IQSEC3: variants seen among roughly 807,000 people sequenced by gnomAD.
IQSEC3 encodes the protein IQ motif and SEC7 domain-containing protein 3.
A neutral mutation model predicts 105.4 loss-of-function variants in IQSEC3; 50 were observed. That is an observed-to-expected ratio of 0.47 (90% CI 0.38 to 0.60). The LOEUF (loss-of-function observed/expected upper bound fraction) is 0.60, where lower values mean the gene tolerates loss of function less well. Among genes scored for constraint, IQSEC3 ranks in the 20% least tolerant of loss-of-function variants. The probability of loss-of-function intolerance (pLI) is 0.00; values close to 1 mark genes in which losing one functional copy is unlikely to be tolerated. For synonymous variants in IQSEC3, 708 were observed against 746.0 expected, an observed-to-expected ratio of 0.95 and a Z score of 0.83; for missense variants, 1,415 against 1,630.0, an observed-to-expected ratio of 0.87 and a Z score of 2.27.
At chr12:78,714 C>A (rs1863644505) in intron 1 of IQSEC3, among the ~76,000 whole-genome samples, 1 of 152,074 alleles carries the variant, frequency 6.6e-6, no homozygotes, top group Non-Finnish European at 1.5e-5. Flanking sequence ...GAGAGCCTCG[C>A]GTTTCCCGTT....
rs189049443 is a variant in IQSEC3, at chr12:146,295, G to A, written c.2153+5010G>A. Among the ~76,000 whole-genome samples, 321 of 152,292 alleles carry A rather than the reference G, an allele frequency of 2.1e-3. 3 individuals are homozygous for A. In the Middle Eastern group the frequency reaches 0.027, roughly 13 times the overall value. On this transcript the variant is annotated intron_variant, in intron 5 of 13. Transcript: ENST00000538872. The stretch of plus-strand genomic sequence containing the variant: ...GAAGGGGAGAGCAGGCTGGGGCCCA[G>A]GCAGACCTTATGTGTCCGGAGGAGA...
rs1555083124 is a variant in IQSEC3, at chr12:125,755, AG to A, written c.748del (p.Glu250ArgfsTer48). On this transcript the variant is annotated frameshift_variant, in exon 3 of 14. Transcript: ENST00000538872. LOFTEE classifies it high-confidence loss of function. Reference sequence around the variant, plus strand: ...GCTCAAGCCCAGGAGCTGCAGGAGGAGGAGGAGCGGCCGGGGGCAGGGGCTG... The same window carrying A: ...GCTCAAGCCCAGGAGCTGCAGGAGGAGAGGAGCGGCCGGGGGCAGGGGCTG... ...PKAQAQELQE[E>X]EERPGAGAAS... 1 of 1,516,916 alleles carries A rather than the reference AG, an allele frequency of 6.6e-7. No homozygotes were observed. Among genetic ancestry groups the A allele is most frequent in the East Asian group, 2.4e-5 (1 of 40,984 alleles). The allele number at this position is 1,516,916 out of a possible 1,614,324, so 94.0% of individuals were successfully genotyped here.
intron 1 of IQSEC3, among the ~76,000 whole-genome samples, chr12:88,233 C>G (rs1480737818): frequency 6.6e-6 from 1 of 152,238 alleles, no homozygotes; most frequent in African/African-American, 2.4e-5. Flanking sequence ...TCTGCCTTCT[C>G]CATTCTCCTC....
At chr12:145,272 C>CTTTCT (rs1428384082) in intron 5 of IQSEC3, among the ~76,000 whole-genome samples, 2 of 152,104 alleles carry the variant, frequency 1.3e-5, no homozygotes, top group East Asian at 3.8e-4. Flanking sequence ...AATGTTAGCT[C>CTTTCT]TTTCTTTTCT....
chr12:171,329 A>G, intron 13 of IQSEC3, 168 bp downstream of exon 13: 1 of 1,612,848 alleles, frequency 6.2e-7, no homozygotes, highest in Non-Finnish European at 8.5e-7. Context: ...TAGCATGGGT[A>G]ATGCCACTGT....
At chr12:142,248 A>G (rs1866061274) in intron 5 of IQSEC3, 1 of 152,114 alleles carries the variant, frequency 6.6e-6, no homozygotes. Flanking sequence ...GAGGGTTTGG[A>G]CGCTGGGGGA....
chr12:73,467 A>G (rs1332121400), intron 1 of IQSEC3, among the ~76,000 whole-genome samples: 4 of 152,246 alleles, frequency 2.6e-5, no homozygotes, highest in African/African-American at 9.7e-5. Context: ...TGAGGTCAGG[A>G]GTTTGAGACC....
chr12:125,628 C>G lies in IQSEC3; in HGVS notation c.624-5C>G, dbSNP rs782571749. Reference sequence around the variant, plus strand: ...CAACCGAGCACCGTTGCCTTCTGTTCACAGTGATGGCTCCTGCACCCAGGC... The same window carrying G: ...CAACCGAGCACCGTTGCCTTCTGTTGACAGTGATGGCTCCTGCACCCAGGC... On this transcript the variant is annotated splice_polypyrimidine_tract_variant and splice_region_variant and intron_variant, in intron 2 of 13. Transcript: ENST00000538872. The G allele has an allele frequency of 6.7e-7, 1 of 1,496,746 alleles. No homozygotes were observed. The highest frequency in any genetic ancestry group is 2.3e-5 in the Admixed American group (1 of 44,042). 92.7% of individuals were successfully genotyped at this position (1,496,746 alleles called of 1,614,324 possible). A position where few individuals can be genotyped will look rare whatever the true frequency, so the allele number is the denominator to read the frequency against.
chr12:104,715 T>C (rs1555077417), intron 2 of IQSEC3, among the ~76,000 whole-genome samples: 1 of 152,220 alleles, frequency 6.6e-6, no homozygotes, highest in Non-Finnish European at 1.5e-5. Context: ...AGGCAGGGGC[T>C]CTGCCGAGGC....
chr12:101,671 G>C (rs1199416644), intron 2 of IQSEC3, among the ~76,000 whole-genome samples: 1 of 152,136 alleles, frequency 6.6e-6, no homozygotes, highest in East Asian at 1.9e-4. Context: ...CTGTCTATCT[G>C]TCTGATTTGT....
chr12:79,934 A>T (rs961845827), intron 1 of IQSEC3, among the ~76,000 whole-genome samples: 2 of 152,152 alleles, frequency 1.3e-5, no homozygotes, highest in Non-Finnish European at 2.9e-5. Flanking sequence ...GCTGTTCTGC[A>T]CCTTGAGTTT....
chr12:80,236 G>A (rs1400792883), intron 1 of IQSEC3, among the ~76,000 whole-genome samples: 7 of 152,150 alleles, frequency 4.6e-5, no homozygotes, highest in Admixed American at 1.3e-4. Context: ...AATACGATTC[G>A]GCAAGTGCTT....
chr12:130,693 G>A (rs1865559063), intron 3 of IQSEC3, among the ~76,000 whole-genome samples: 1 of 152,216 alleles, frequency 6.6e-6, no homozygotes, highest in Admixed American at 6.5e-5. Flanking sequence ...CGCCCTGCGT[G>A]TCAAGCACTT....
chr12:75,006 C>T (rs1863463034), intron 1 of IQSEC3, among the ~76,000 whole-genome samples: 1 of 152,268 alleles, frequency 6.6e-6, no homozygotes, highest in Admixed American at 6.5e-5. Flanking sequence ...TCCCATAACC[C>T]CAGGGAGGTC....
At position 97,158 on chromosome 12, in the gene IQSEC3, G is replaced by A. The variant is rs142197020; in HGVS notation, c.555-1988G>A. 1.7e-3 allele frequency among the ~76,000 whole-genome samples: 262 copies of A among 152,286 alleles called. 1 individual carries two copies. The South Asian group carries it at 0.025, about 15-fold the overall frequency. On this transcript the variant is annotated intron_variant, in intron 1 of 13. Transcript: ENST00000538872. Reference sequence around the variant, plus strand: ...TATTTGTTGGCTCTTTAGGGTTCTCGTTCTGTCAACTGCTATTCCTATGCT... The same window carrying A: ...TATTTGTTGGCTCTTTAGGGTTCTCATTCTGTCAACTGCTATTCCTATGCT...
At chr12:100,478 C>G (rs987726889) in intron 2 of IQSEC3, among the ~76,000 whole-genome samples, 1 of 152,114 alleles carries the variant, frequency 6.6e-6, no homozygotes, top group Non-Finnish European at 1.5e-5. Context: ...AGACAGCCAC[C>G]CCGTGAAAGG....
At chr12:102,872 C>T (rs147193849) in intron 2 of IQSEC3, among the ~76,000 whole-genome samples, 2 of 152,188 alleles carry the variant, frequency 1.3e-5, no homozygotes, top group East Asian at 1.9e-4. Context: ...GAAAGCCCTG[C>T]GAAGCTGGAT....
chr12:99,293 C>T, intron 2 of IQSEC3, 79 bp downstream of exon 2: 1 of 1,281,768 alleles, frequency 7.8e-7, no homozygotes, highest in East Asian at 2.5e-5. Context: ...ACTGCACTAG[C>T]TATTGGGCCT....
chr12:123,039 G>T (rs887483635), intron 2 of IQSEC3, among the ~76,000 whole-genome samples: 3 of 152,164 alleles, frequency 2.0e-5, no homozygotes, highest in Non-Finnish European at 4.4e-5. Flanking sequence ...GAGATGTCAG[G>T]TAATACAGCA....
Sources: allele counts gnomAD v4.1 joint callset (sites outside exome capture counted in the v4.1 genomes callset), GRCh38; gene constraint gnomAD v4.1.1; transcripts MANE v1.5; gene names NCBI Gene and HGNC (gene_info 2026-07-23, HGNC 2026-07-21).